Variants in RCOR1 observed in about 807,000 individuals in gnomAD.
RCOR1 encodes the protein REST corepressor 1.
RCOR1 carries 12 observed loss-of-function variants against 64.0 expected under a neutral mutation model. That is an observed-to-expected ratio of 0.19 (90% confidence interval 0.12 to 0.30). The LOEUF (loss-of-function observed/expected upper bound fraction) is 0.30, where lower values mean the gene tolerates loss of function less well. Among genes scored for constraint, RCOR1 ranks in the 10% least tolerant of loss-of-function variants. The pLI, the probability that RCOR1 is intolerant of heterozygous loss-of-function variation, is 1.00. For synonymous variants in RCOR1, 279 were observed against 227.2 expected (o/e 1.23, Z -2.05); for missense variants, 502 against 621.2 (o/e 0.81, Z 2.04).
At chr14:102,632,570 CT>C (rs1242559460) in intron 2 of RCOR1, among the ~76,000 whole-genome samples, 4 of 151,872 alleles carry the variant, frequency 2.6e-5, no homozygotes, top group South Asian at 4.1e-4. Flanking sequence ...TTTTTCCCCC[CT>C]GCAAGGGGAA....
rs139438502 is a variant in RCOR1, at chr14:102,660,651, A to C, written c.362-21244A>C. 3.0e-3 allele frequency among the ~76,000 whole-genome samples: 464 copies of C among 152,324 alleles called. 1 individual carries two copies. Among genetic ancestry groups the C allele is most frequent in the Admixed American group, 5.5e-3 (84 of 15,290 alleles). The stretch of plus-strand genomic sequence containing the variant: ...TCCCACAGTTTGATTAGAGATGTGA[A>C]CCACTGTGCCCAGCCAAAATTAACT... On this transcript the variant is annotated intron_variant, in intron 2 of 11. Transcript: ENST00000262241.
chr14:102,628,897 T>C (rs1370180126), intron 2 of RCOR1, among the ~76,000 whole-genome samples: 137 of 151,044 alleles, frequency 9.1e-4, no homozygotes, highest in South Asian at 2.3e-3. Context: ...CTTGCTCTTT[T>C]TTTTTTTTTT....
chr14:102,649,922 G>T (rs554379860), intron 2 of RCOR1: 1 of 336,622 alleles, frequency 3.0e-6, no homozygotes, highest in Admixed American at 6.5e-5. Flanking sequence ...GCCTTGGGCC[G>T]GGCGCGGTGG....
At position 102,722,168 on chromosome 14, in the gene RCOR1, T is replaced by C. The variant is rs1331738063; in HGVS notation, c.1190-19T>C. 6.3e-7 allele frequency: 1 copy of C among 1,585,670 alleles called. No homozygotes were observed. Among genetic ancestry groups the C allele is most frequent in the Non-Finnish European group, 8.6e-7 (1 of 1,157,048 alleles). On this transcript the variant is annotated intron_variant, in intron 10 of 11. Coordinates refer to ENST00000262241, the MANE Select transcript of RCOR1 (RefSeq NM_015156.4). ...TGTTTTTCTCTTGTATTTTAAAAAATGCTTTCTTACATCCTTAGCCATCAG... is the reference window on the plus strand; with the variant it reads ...TGTTTTTCTCTTGTATTTTAAAAAACGCTTTCTTACATCCTTAGCCATCAG...
At chr14:102,660,762 T>C (rs1894811200) in intron 2 of RCOR1, among the ~76,000 whole-genome samples, 1 of 152,224 alleles carries the variant, frequency 6.6e-6, no homozygotes, top group Non-Finnish European at 1.5e-5. Context: ...GGTTTTTGGC[T>C]GTTGTTAAAG....
At chr14:102,638,069 A>T (rs1012230252) in intron 2 of RCOR1, among the ~76,000 whole-genome samples, 2 of 152,272 alleles carry the variant, frequency 1.3e-5, no homozygotes, top group African/African-American at 2.4e-5. Context: ...CAGATTTACC[A>T]TGTAAATGTG....
At position 102,728,368 on chromosome 14, in the gene RCOR1, G is replaced by A. The variant is rs1175456228; in HGVS notation, c.*1862G>A. 1 of 152,144 alleles carries A rather than the reference G, an allele frequency of 6.6e-6. No homozygotes were observed. Among genetic ancestry groups the A allele is most frequent in the South Asian group, 2.1e-4 (1 of 4,834 alleles). 9.4% of individuals were successfully genotyped at this position (152,144 alleles called of 1,614,324 possible). A position where few individuals can be genotyped will look rare whatever the true frequency, so the allele number is the denominator to read the frequency against. ...AAATAACACTAGTGATGAGGGAGAGGCTTCTTTTCACCATAAGCCTGCTGT... is the reference window on the plus strand; with the variant it reads ...AAATAACACTAGTGATGAGGGAGAGACTTCTTTTCACCATAAGCCTGCTGT... On this transcript the variant is annotated 3_prime_UTR_variant, in exon 12 of 12. Coordinates refer to ENST00000262241, the MANE Select transcript of RCOR1 (RefSeq NM_015156.4).
intron 2 of RCOR1, among the ~76,000 whole-genome samples, chr14:102,666,906 A>G (rs1894924254): frequency 6.6e-6 from 1 of 152,200 alleles, no homozygotes; most frequent in Admixed American, 6.5e-5. Context: ...GTACTCTTCC[A>G]TCTCCTGCTC....
At chr14:102,725,999 G>A (rs972567285) in intron 11 of RCOR1, among the ~76,000 whole-genome samples, 4 of 152,180 alleles carry the variant, frequency 2.6e-5, no homozygotes, top group Non-Finnish European at 4.4e-5. Context: ...AGGCCAAGAC[G>A]TCTGGCTGGA....
chr14:102,721,272 A>G (rs1207304057), intron 9 of RCOR1, 48 bp from the exon 10 acceptor site: 3 of 1,500,196 alleles, frequency 2.0e-6, no homozygotes. Flanking sequence ...ATAAGGACAT[A>G]CTCATCTCTA....
intron 2 of RCOR1, among the ~76,000 whole-genome samples, chr14:102,632,616 T>A (rs917900374): frequency 4.7e-5 from 1 of 21,054 alleles, no homozygotes; most frequent in African/African-American, 2.6e-4. Flanking sequence ...ATGCTATCCT[T>A]TCCTTTCCTT....
intron 3 of RCOR1, among the ~76,000 whole-genome samples, chr14:102,685,996 T>C (rs1173584868): frequency 1.3e-5 from 2 of 152,126 alleles, no homozygotes; most frequent in Admixed American, 6.5e-5. Context: ...AAAATGTAAA[T>C]ATTTAGGATT....
intron 2 of RCOR1, chr14:102,656,967 G>T (rs1207179489): frequency 2.9e-6 from 1 of 345,792 alleles, no homozygotes; most frequent in Non-Finnish European, 4.1e-6. Context: ...GTAGAGAGGG[G>T]TTTCACCATG....
chr14:102,712,813 T>C (rs1054395795), intron 7 of RCOR1, among the ~76,000 whole-genome samples: 1 of 152,000 alleles, frequency 6.6e-6, no homozygotes, highest in Non-Finnish European at 1.5e-5. Context: ...TTTATTAAGC[T>C]TTGTGTTGAT....
At chr14:102,624,664 A>G (rs561585532) in intron 2 of RCOR1, among the ~76,000 whole-genome samples, 1 of 151,588 alleles carries the variant, frequency 6.6e-6, no homozygotes, top group South Asian at 2.1e-4. Flanking sequence ...TACTTCGGAG[A>G]CTGAGGTAGG....
At chr14:102,629,877 G>A in intron 2 of RCOR1, 1 of 257,568 alleles carries the variant, frequency 3.9e-6, no homozygotes, top group East Asian at 1.8e-4. Flanking sequence ...TATTTAGAGA[G>A]CTTAAACGTC....
intron 3 of RCOR1, among the ~76,000 whole-genome samples, chr14:102,685,064 G>GTA (rs1425855770): frequency 6.7e-6 from 1 of 150,166 alleles, no homozygotes; most frequent in Non-Finnish European, 1.5e-5. Context: ...GGCTTTTCTT[G>GTA]TGTGTGTGTG....
rs1339972974 is a variant in RCOR1 at position 102,593,048 on chromosome 14, C to A, written c.162C>A (p.Ala54=). ...CCTCGGGCGCCGCCGCCTCCTCAGC[C>A]TCGGCCGCCGCCGCCTCAGCCGCCG... ...TAASGAAASS[A]SAAAASAAAA... The change falls in exon 1 of 12, where the codon GCC becomes GCA. Residue 54 remains alanine, a synonymous_variant. Transcript: ENST00000262241. 4.3e-6 allele frequency: 6 copies of A among 1,383,416 alleles called. No homozygotes were observed. Among genetic ancestry groups the A allele is most frequent in the Non-Finnish European group, 4.7e-6 (5 of 1,059,926 alleles). 85.7% of individuals were successfully genotyped at this position (1,383,416 alleles called of 1,614,324 possible). A position where few individuals can be genotyped will look rare whatever the true frequency, so the allele number is the denominator to read the frequency against.
intron 8 of RCOR1, among the ~76,000 whole-genome samples, chr14:102,715,131 C>T (rs1044581839): frequency 2.0e-5 from 3 of 151,398 alleles, no homozygotes; most frequent in African/African-American, 4.9e-5. Context: ...TGCAGTGGCG[C>T]GATCCCGGCT....
Sources: allele counts gnomAD v4.1 joint callset (sites outside exome capture counted in the v4.1 genomes callset), GRCh38; gene constraint gnomAD v4.1.1; transcripts MANE v1.5; gene names NCBI Gene and HGNC (gene_info 2026-07-23, HGNC 2026-07-21).